Variants in ROR1 observed in about 807,000 individuals in gnomAD.
The protein encoded by ROR1 is ROR family WNT receptor 1.
Under a neutral mutation model 78.8 loss-of-function variants are expected in ROR1, and 19 were observed. The ratio of observed to expected loss-of-function variants is 0.24; its 90% CI spans 0.17 to 0.35. ROR1 has a LOEUF of 0.35. ROR1 is among the 10% of genes least tolerant of loss of function. The probability of loss-of-function intolerance (pLI) is 1.00; values close to 1 mark genes in which losing one functional copy is unlikely to be tolerated. For missense variants in ROR1, 917 were observed against 1,177.8 expected, an observed-to-expected ratio of 0.78 and a Z score of 3.24; for synonymous variants, 386 against 433.6, an observed-to-expected ratio of 0.89 and a Z score of 1.36.
At chr1:63,941,771 C>A (rs1283889282) in intron 1 of ROR1, among the ~76,000 whole-genome samples, 1 of 152,070 alleles carries the variant, frequency 6.6e-6, no homozygotes, top group African/African-American at 2.4e-5. Context: ...TGTTTATAAA[C>A]CATGAGGAGA....
At chr1:63,939,497 A>G (rs1189086702) in intron 1 of ROR1, among the ~76,000 whole-genome samples, 2 of 152,196 alleles carry the variant, frequency 1.3e-5, no homozygotes, top group Non-Finnish European at 2.9e-5. Flanking sequence ...TCTACATTCT[A>G]TTTTAATGAA....
intron 1 of ROR1, among the ~76,000 whole-genome samples, chr1:63,961,547 G>A (rs985145842): frequency 3.9e-5 from 6 of 152,082 alleles, no homozygotes; most frequent in Admixed American, 6.5e-5. Context: ...ACATGGGTGA[G>A]CCTGGAGGAC....
intron 1 of ROR1, among the ~76,000 whole-genome samples, chr1:63,829,665 C>G (rs1019017438): frequency 6.6e-6 from 1 of 152,098 alleles, no homozygotes; most frequent in Non-Finnish European, 1.5e-5. Flanking sequence ...TCTGGAATAT[C>G]CAGTGTGGGG....
intron 1 of ROR1, among the ~76,000 whole-genome samples, chr1:63,844,470 G>C (rs1434863063): frequency 6.6e-6 from 1 of 152,174 alleles, no homozygotes; most frequent in African/African-American, 2.4e-5. Context: ...ACTTTATGGG[G>C]ATGGGGGGTG....
At chr1:63,874,156 A>T (rs1645268742) in intron 1 of ROR1, among the ~76,000 whole-genome samples, 1 of 152,174 alleles carries the variant, frequency 6.6e-6, no homozygotes, top group South Asian at 2.1e-4. Flanking sequence ...GAGGAACTTG[A>T]GATAAAGGAA....
intron 1 of ROR1, among the ~76,000 whole-genome samples, chr1:63,897,882 A>G (rs1183318838): frequency 6.6e-6 from 1 of 152,250 alleles, no homozygotes; most frequent in East Asian, 1.9e-4. Flanking sequence ...ACCCTGCTCC[A>G]TACAGTCATT....
At chr1:63,973,442 T>C (rs1029264480) in intron 1 of ROR1, among the ~76,000 whole-genome samples, 4 of 152,136 alleles carry the variant, frequency 2.6e-5, no homozygotes, top group Admixed American at 6.5e-5. Context: ...AGTGGGAAGA[T>C]AGAGATTTGT....
intron 1 of ROR1, among the ~76,000 whole-genome samples, chr1:63,837,250 C>A (rs934265497): frequency 6.6e-6 from 1 of 152,166 alleles, no homozygotes; most frequent in Non-Finnish European, 1.5e-5. Flanking sequence ...CAAAGCTCTT[C>A]CAATAATTGT....
intron 4 of ROR1, among the ~76,000 whole-genome samples, chr1:64,088,447 G>C (rs1647170437): frequency 6.6e-6 from 1 of 151,996 alleles, no homozygotes; most frequent in Admixed American, 6.6e-5. Flanking sequence ...TGCCAAAATT[G>C]CTCTCCTGCA....
intron 1 of ROR1, among the ~76,000 whole-genome samples, chr1:63,865,323 C>T (rs1280819406): frequency 6.6e-6 from 1 of 152,148 alleles, no homozygotes; most frequent in East Asian, 1.9e-4. Context: ...GTAGTTTTGT[C>T]ATGCTTTTGG....
At chr1:64,008,927 C>T (rs896757180) in intron 1 of ROR1, among the ~76,000 whole-genome samples, 1 of 152,068 alleles carries the variant, frequency 6.6e-6, no homozygotes. Context: ...GCCACTGTGC[C>T]CAGCGTGACT....
At chr1:64,132,543 T>A (rs1648950377) in intron 4 of ROR1, among the ~76,000 whole-genome samples, 1 of 152,042 alleles carries the variant, frequency 6.6e-6, no homozygotes, top group Non-Finnish European at 1.5e-5. Flanking sequence ...GTGGATCATC[T>A]GAGGTCAGGA....
chr1:64,102,504 C>T (rs1054248333), intron 4 of ROR1, among the ~76,000 whole-genome samples: 1 of 152,108 alleles, frequency 6.6e-6, no homozygotes, highest in Non-Finnish European at 1.5e-5. Context: ...GTTAAGGAAC[C>T]CTGGAGATTC....
intron 1 of ROR1, among the ~76,000 whole-genome samples, chr1:63,956,415 C>G (rs1404279271): frequency 6.6e-6 from 1 of 152,138 alleles, no homozygotes; most frequent in East Asian, 1.9e-4. Context: ...AGATTCTTAC[C>G]CAAGCCCTGG....
At chr1:64,113,866 A>G (rs1648213503) in intron 4 of ROR1, 1 of 152,100 alleles carries the variant, frequency 6.6e-6, no homozygotes, top group African/African-American at 2.4e-5. Context: ...TTCTTTTGGA[A>G]TCTGACAGAT....
intron 4 of ROR1, among the ~76,000 whole-genome samples, chr1:64,129,650 A>G (rs17265999): frequency 0.24 from 36,445 of 152,192 alleles, 5,321 homozygotes; most frequent in Non-Finnish European, 0.33. Context: ...CCGCCCTATC[A>G]TGAAAACCTC....
chr1:63,789,926 A>G (rs1454416088), intron 1 of ROR1, among the ~76,000 whole-genome samples: 6 of 151,542 alleles, frequency 4.0e-5, no homozygotes, highest in African/African-American at 1.5e-4. Context: ...GCTGTCTACA[A>G]CCCCCTCTGT....
At chr1:63,994,109 A>G (rs1646317844) in intron 1 of ROR1, among the ~76,000 whole-genome samples, 1 of 152,140 alleles carries the variant, frequency 6.6e-6, no homozygotes, top group Non-Finnish European at 1.5e-5. Flanking sequence ...CAGTCAGGTT[A>G]TCATGTTTGA....
chr1:64,124,218 CACA>C (rs1214137364), intron 4 of ROR1, among the ~76,000 whole-genome samples: 1 of 152,002 alleles, frequency 6.6e-6, no homozygotes, highest in Non-Finnish European at 1.5e-5. Flanking sequence ...TCAAAATTAC[CACA>C]ACAAGTATTA....
Sources: gnomAD v4.1 joint callset for allele counts (sites outside exome capture counted in the v4.1 genomes callset) on GRCh38, gnomAD v4.1.1 for gene constraint, MANE v1.5 for transcripts, NCBI Gene and HGNC (gene_info 2026-07-23, HGNC 2026-07-21) for gene names.